CCSER1: variants seen among roughly 807,000 people sequenced by gnomAD.
CCSER1 encodes serine-rich coiled-coil domain-containing protein 1.
In CCSER1, 41 loss-of-function variants were observed where a neutral mutation model predicts 82.0. The ratio of observed to expected loss-of-function variants is 0.50; its 90% CI spans 0.39 to 0.65. The LOEUF is 0.65. Among genes scored for constraint, CCSER1 ranks in the 30% least tolerant of loss-of-function variants. The pLI is 0.00. For missense variants in CCSER1, 1,119 were observed against 1,064.2 expected (o/e 1.05, Z -0.72); for synonymous variants, 414 against 383.9 (o/e 1.08, Z -0.92).
chr4:91,019,836 A>G (rs1419677088), intron 9 of CCSER1, among the ~76,000 whole-genome samples: 3 of 152,212 alleles, frequency 2.0e-5, no homozygotes, highest in Non-Finnish European at 4.4e-5. Flanking sequence ...GGTTTTGCCC[A>G]TAAGTAAATA....
intron 5 of CCSER1, among the ~76,000 whole-genome samples, chr4:90,583,803 T>G (rs1463147954): frequency 6.6e-6 from 1 of 151,970 alleles, no homozygotes; most frequent in African/African-American, 2.4e-5. Context: ...GGAAAAAAAC[T>G]GATTTTTTTT....
At chr4:91,179,744 G>A (rs1055632377) in intron 10 of CCSER1, among the ~76,000 whole-genome samples, 2 of 152,144 alleles carry the variant, frequency 1.3e-5, no homozygotes, top group African/African-American at 2.4e-5. Flanking sequence ...CGATGGGTTT[G>A]AACATCCTCC....
At position 90,301,068 on chromosome 4, in the gene CCSER1, A is replaced by G. The variant is rs1408874904; in HGVS notation, c.-41-7176A>G. On this transcript the variant is annotated intron_variant, in intron 1 of 10. Coordinates refer to ENST00000509176, the MANE Select transcript of CCSER1 (RefSeq NM_001145065.2). Reference sequence around the variant, plus strand: ...AGGCTGGTCTCCAACCCCTGGGCTCAATTTATCCTCCTGCTTCAGCCTCCC... The same window carrying G: ...AGGCTGGTCTCCAACCCCTGGGCTCGATTTATCCTCCTGCTTCAGCCTCCC... Among the ~76,000 whole-genome samples the G allele has an allele frequency of 5.3e-5, 8 of 152,040 alleles. No homozygotes were observed. In the East Asian group the frequency reaches 1.5e-3, roughly 29 times the overall value.
intron 9 of CCSER1, among the ~76,000 whole-genome samples, chr4:90,946,624 C>CAAAAAAAAAAA (rs61298882): frequency 9.2e-6 from 1 of 108,436 alleles, no homozygotes. Context: ...GACTGCACCT[C>CAAAAAAAAAAA]AAAAAAAAAA....
chr4:91,297,385 A>ATGTGTGTGTGTGTGTGTGTATGTGTG, intron 10 of CCSER1, among the ~76,000 whole-genome samples: 1 of 117,988 alleles, frequency 8.5e-6, no homozygotes, highest in Non-Finnish European at 1.9e-5. Context: ...GTGTGTGTGT[A>ATGTGTGTGTGTGTGTGTGTATGTGTG]TGTGTGTGTG....
At chr4:91,104,084 C>T (rs1227984299) in intron 10 of CCSER1, among the ~76,000 whole-genome samples, 1 of 152,114 alleles carries the variant, frequency 6.6e-6, no homozygotes, top group African/African-American at 2.4e-5. Flanking sequence ...TACCCTTAGG[C>T]TTACTAGGGT....
rs527676587 is a variant in CCSER1, at chr4:91,464,436, C to T, written c.2218-134136C>T. Among the ~76,000 whole-genome samples the T allele has an allele frequency of 2.6e-5, 4 of 152,290 alleles. No individual in the cohort carries two copies. The East Asian group carries it at 5.8e-4, about 22-fold the overall frequency. ...AAAGACCATCGATGCTAAGAAGAAA[C>T]TGCATCAACTGACAAGCAAAATAAC... On this transcript the variant is annotated intron_variant, in intron 10 of 10. Transcript: ENST00000509176.
chr4:91,594,179 A>G (rs1014469416), intron 10 of CCSER1, among the ~76,000 whole-genome samples: 16 of 151,856 alleles, frequency 1.1e-4, no homozygotes, highest in Admixed American at 1.1e-3. Flanking sequence ...CATTAAAATT[A>G]CCTTCAGGGA....
chr4:90,739,765 CA>C (rs1415879078), intron 7 of CCSER1, among the ~76,000 whole-genome samples: 1 of 152,136 alleles, frequency 6.6e-6, no homozygotes, highest in Non-Finnish European at 1.5e-5. Context: ...TGCTAAGTTC[CA>C]CAATTAGTGC....
At chr4:90,755,554 C>T (rs1749380915) in intron 7 of CCSER1, among the ~76,000 whole-genome samples, 2 of 152,160 alleles carry the variant, frequency 1.3e-5, no homozygotes, top group South Asian at 4.1e-4. Context: ...GTCCTCTGCA[C>T]TTCTACAGAT....
At chr4:90,409,429 C>A (rs1016606914) in intron 4 of CCSER1, among the ~76,000 whole-genome samples, 1 of 152,326 alleles carries the variant, frequency 6.6e-6, no homozygotes, top group East Asian at 1.9e-4. Flanking sequence ...AAAAGCTGAT[C>A]TCTCGGCAGA....
chr4:90,545,660 C>T (rs1776667043), intron 5 of CCSER1, among the ~76,000 whole-genome samples: 1 of 152,066 alleles, frequency 6.6e-6, no homozygotes, highest in Non-Finnish European at 1.5e-5. Flanking sequence ...CCTTTAGATA[C>T]TTTCATGGAT....
intron 10 of CCSER1, among the ~76,000 whole-genome samples, chr4:91,344,247 C>A (rs1209783504): frequency 2.0e-5 from 3 of 152,108 alleles, no homozygotes; most frequent in Non-Finnish European, 4.4e-5. Flanking sequence ...AAGAATAAGG[C>A]CCCCACTTGA....
intron 1 of CCSER1, among the ~76,000 whole-genome samples, chr4:90,192,838 A>G (rs1288399184): frequency 6.6e-6 from 1 of 152,080 alleles, no homozygotes; most frequent in Non-Finnish European, 1.5e-5. Flanking sequence ...GAACAATTTA[A>G]TAAAGTATGC....
intron 1 of CCSER1, among the ~76,000 whole-genome samples, chr4:90,229,853 A>C (rs1744085623): frequency 6.6e-6 from 1 of 152,216 alleles, no homozygotes; most frequent in Non-Finnish European, 1.5e-5. Flanking sequence ...TTAAACCAAC[A>C]AAGATCAAAA....
intron 9 of CCSER1, among the ~76,000 whole-genome samples, chr4:90,941,556 G>A (rs1731584429): frequency 6.6e-6 from 1 of 152,008 alleles, no homozygotes; most frequent in African/African-American, 2.4e-5. Flanking sequence ...CTTGCAACTA[G>A]AAGTAGAAAT....
intron 10 of CCSER1, among the ~76,000 whole-genome samples, chr4:91,193,116 C>T (rs1735138431): frequency 6.6e-6 from 1 of 151,970 alleles, no homozygotes; most frequent in South Asian, 2.1e-4. Flanking sequence ...TGCATTTTAT[C>T]CTTAGCTCAT....
intron 6 of CCSER1, among the ~76,000 whole-genome samples, chr4:90,656,918 A>G (rs944900588): frequency 6.6e-6 from 1 of 152,038 alleles, no homozygotes; most frequent in Non-Finnish European, 1.5e-5. Flanking sequence ...ACATTAAAAT[A>G]CTTTATTTAT....
chr4:90,726,314 G>T (rs1367135302), intron 7 of CCSER1, among the ~76,000 whole-genome samples: 4 of 151,704 alleles, frequency 2.6e-5, no homozygotes, highest in Non-Finnish European at 4.4e-5. Context: ...AAGACAAATG[G>T]TAAATTATTT....
Sources: gnomAD v4.1 joint callset for allele counts (sites outside exome capture counted in the v4.1 genomes callset) on GRCh38, gnomAD v4.1.1 for gene constraint, MANE v1.5 for transcripts, NCBI Gene and HGNC (gene_info 2026-07-23, HGNC 2026-07-21) for gene names.